P2RY12: variants seen among roughly 807,000 people sequenced by gnomAD.
The protein encoded by P2RY12 is purinergic receptor P2Y12, also known as P2Y purinoceptor 12.
In P2RY12, 3 loss-of-function variants were observed where a neutral mutation model predicts 4.5. The ratio of observed to expected loss-of-function variants is 0.67; its 90% CI spans 0.31 to 1.74. The LOEUF is 1.74. P2RY12 is among the 40% of genes most tolerant of loss of function. The probability of loss-of-function intolerance (pLI) is 0.09; values close to 1 mark genes in which losing one functional copy is unlikely to be tolerated. For synonymous variants in P2RY12, 148 were observed against 154.1 expected, an observed-to-expected ratio of 0.96 and a Z score of 0.29; for missense variants, 356 against 407.8, an observed-to-expected ratio of 0.87 and a Z score of 1.09.
rs1262230159 is a variant in P2RY12 at position 151,365,110 on chromosome 3, T to C, written c.-180+19582A>G. 5.6e-6 allele frequency: 9 copies of C among 1,613,974 alleles called. No homozygotes were observed. Among genetic ancestry groups the C allele is most frequent in the Non-Finnish European group, 7.6e-6 (9 of 1,179,978 alleles). ...TCAGCCCGCAGCATCAACTACTCAA[T>C]GCTGGGCAAGATCCTCAGTGACAAT... On this transcript the variant is annotated intron_variant, in intron 1 of 2. Transcript: ENST00000302632.
chr3:151,384,132 A>AC, intron 1 of P2RY12: 1 of 1,614,076 alleles, frequency 6.2e-7, no homozygotes, highest in Non-Finnish European at 8.5e-7. Context: ...AATCAATGGA[A>AC]CGTTAGCCTC....
At chr3:151,346,115 G>A (rs1285016785) in intron 1 of P2RY12, among the ~76,000 whole-genome samples, 1 of 152,138 alleles carries the variant, frequency 6.6e-6, no homozygotes, top group Admixed American at 6.5e-5. Context: ...CAAGGCCAAG[G>A]AATGATTTGA....
intron 1 of P2RY12, chr3:151,378,296 T>C: frequency 9.8e-7 from 1 of 1,017,810 alleles, no homozygotes; most frequent in Non-Finnish European, 1.4e-6. Context: ...TAAATGGAAC[T>C]GGGAATATTC....
chr3:151,367,805 G>A, intron 1 of P2RY12: 3 of 1,575,348 alleles, frequency 1.9e-6, no homozygotes, highest in Middle Eastern at 1.7e-4. Flanking sequence ...CTCTTTGATT[G>A]TTGTCTTGAT....
intron 1 of P2RY12, among the ~76,000 whole-genome samples, chr3:151,372,317 G>A (rs1430681677): frequency 6.6e-6 from 1 of 152,142 alleles, no homozygotes; most frequent in Non-Finnish European, 1.5e-5. Flanking sequence ...CAAGTTTGGT[G>A]AAACTATAAT....
intron 1 of P2RY12, among the ~76,000 whole-genome samples, chr3:151,370,802 A>G (rs1756083594): frequency 6.6e-6 from 1 of 152,226 alleles, no homozygotes; most frequent in Non-Finnish European, 1.5e-5. Flanking sequence ...TGGAAGTGTG[A>G]ATCTATAAAT....
At chr3:151,343,744 A>G (rs984620933) in intron 1 of P2RY12, among the ~76,000 whole-genome samples, 6 of 126,062 alleles carry the variant, frequency 4.8e-5, no homozygotes, top group African/African-American at 1.9e-4. Context: ...TTTTACTTTT[A>G]AGTGGCTTAA....
At chr3:151,357,784 G>T (rs1281427133) in intron 1 of P2RY12, among the ~76,000 whole-genome samples, 5 of 152,124 alleles carry the variant, frequency 3.3e-5, no homozygotes, top group Admixed American at 6.5e-5. Context: ...TTAGAAATTT[G>T]GTTCTTCAAT....
intron 1 of P2RY12, among the ~76,000 whole-genome samples, chr3:151,372,929 A>G (rs1041941276): frequency 1.3e-5 from 2 of 152,134 alleles, no homozygotes; most frequent in African/African-American, 4.8e-5. Flanking sequence ...AATTATTTTT[A>G]AAAAACTCAT....
chr3:151,366,456 C>T (rs754706364), intron 1 of P2RY12, among the ~76,000 whole-genome samples: 2 of 152,134 alleles, frequency 1.3e-5, no homozygotes, highest in East Asian at 1.9e-4. Flanking sequence ...GTCTAGATTC[C>T]GAGGATGTCC....
chr3:151,376,330 A>T (rs1169667249), intron 1 of P2RY12: 6 of 813,558 alleles, frequency 7.4e-6, no homozygotes, highest in Non-Finnish European at 1.1e-5. Context: ...TCTGATTTTT[A>T]TTCCCACACA....
At chr3:151,367,899 A>G (rs989016530) in intron 1 of P2RY12, 3 of 1,074,884 alleles carry the variant, frequency 2.8e-6, no homozygotes, top group East Asian at 2.4e-5. Context: ...CAAGGTAGAT[A>G]TGGTAGAATT....
intron 1 of P2RY12, chr3:151,380,061 A>C: frequency 2.8e-6 from 3 of 1,071,536 alleles, no homozygotes; most frequent in Non-Finnish European, 4.1e-6. Context: ...TGCCAGAGGA[A>C]GTAATGCATT....
At chr3:151,382,739 A>G (rs763410012) in intron 1 of P2RY12, 1 of 1,608,406 alleles carries the variant, frequency 6.2e-7, no homozygotes, top group East Asian at 2.3e-5. Flanking sequence ...AACTCCGCCT[A>G]AATTTGGTAA....
At position 151,360,460 on chromosome 3, in the gene P2RY12, A is replaced by G. The variant is rs750254081; in HGVS notation, c.-179-19700T>C. 5 of 1,608,692 alleles carry G rather than the reference A, an allele frequency of 3.1e-6. No individual in the cohort carries two copies. In the South Asian group the frequency reaches 3.3e-5, roughly 11 times the overall value. Reference sequence around the variant, plus strand: ...AAATCTATGTCTTATTTCTTCGTATATTTTTCTCCTCAGGTTGTGTGGTGT... The same window carrying G: ...AAATCTATGTCTTATTTCTTCGTATGTTTTTCTCCTCAGGTTGTGTGGTGT... On this transcript the variant is annotated intron_variant, in intron 1 of 2. Coordinates refer to ENST00000302632, the MANE Select transcript of P2RY12 (RefSeq NM_022788.5).
chr3:151,367,984 T>G (rs1472709452), intron 1 of P2RY12, among the ~76,000 whole-genome samples: 1 of 152,188 alleles, frequency 6.6e-6, no homozygotes, highest in Admixed American at 6.6e-5. Context: ...CAGTCTGTTT[T>G]AAGGAAGCAC....
chr3:151,382,353 G>T (rs965209905), intron 1 of P2RY12, among the ~76,000 whole-genome samples: 1 of 152,098 alleles, frequency 6.6e-6, no homozygotes, highest in Non-Finnish European at 1.5e-5. Context: ...ATGAGGTAAT[G>T]TATTTTAAAA....
At chr3:151,356,939 G>T (rs1577424630) in intron 1 of P2RY12, among the ~76,000 whole-genome samples, 1 of 151,978 alleles carries the variant, frequency 6.6e-6, no homozygotes, top group East Asian at 1.9e-4. Flanking sequence ...TGAGGGGTGG[G>T]GTTTTCTAAA....
chr3:151,360,378 T>C, intron 1 of P2RY12: 1 of 1,122,502 alleles, frequency 8.9e-7, no homozygotes, highest in Non-Finnish European at 1.3e-6. Flanking sequence ...TCCTTTTTCT[T>C]ACCCAAGTGA....
Sources: gnomAD v4.1 joint callset for allele counts (sites outside exome capture counted in the v4.1 genomes callset) on GRCh38, gnomAD v4.1.1 for gene constraint, MANE v1.5 for transcripts, NCBI Gene and HGNC (gene_info 2026-07-23, HGNC 2026-07-21) for gene names.